Variants in ARL14EPL observed in about 807,000 individuals in gnomAD.
ARL14EPL encodes ARL14 effector protein-like.
Under a neutral mutation model 15.9 loss-of-function variants are expected in ARL14EPL, and 17 were observed. The observed-to-expected ratio is 1.07, with a 90% CI of 0.73 to 1.60. ARL14EPL has a LOEUF of 1.60. ARL14EPL is among the 40% of genes most tolerant of loss of function. The probability of loss-of-function intolerance (pLI) is 0.00; values close to 1 mark genes in which losing one functional copy is unlikely to be tolerated. For missense variants in ARL14EPL, 214 were observed against 185.9 expected, an observed-to-expected ratio of 1.15 and a Z score of -0.88; for synonymous variants, 78 against 63.8, an observed-to-expected ratio of 1.22 and a Z score of -1.06.
chr5:116,040,612 T>C lies in ARL14EPL; in HGVS notation c.-10+8107T>C, dbSNP rs114994217. ...GTAATAGTAAATATAATAGTAATAA[T>C]AGTAAAATAAGGAAAATAATTTAAT... On this transcript the variant is annotated intron_variant, in intron 1 of 3. Transcript: ENST00000686077. Among the ~76,000 whole-genome samples, 1,508 of 151,308 alleles carry C rather than the reference T, an allele frequency of 1.0e-2. 19 individuals carry two copies. The highest frequency in any genetic ancestry group is 0.034 in the African/African-American group (1,428 of 41,444).
chr5:116,036,349 A>G (rs926362322), intron 1 of ARL14EPL, among the ~76,000 whole-genome samples: 3 of 152,244 alleles, frequency 2.0e-5, no homozygotes, highest in African/African-American at 7.2e-5. Flanking sequence ...CAGAAATAAT[A>G]CAGTGTCAAG....
At chr5:116,051,381 A>C in intron 1 of ARL14EPL, 76 bp from the exon 2 acceptor site, 1 of 883,410 alleles carries the variant, frequency 1.1e-6, no homozygotes, top group Non-Finnish European at 1.7e-6. Flanking sequence ...TAGGGAGAGT[A>C]GAAAAGAATC....
At chr5:116,053,052 C>T (rs1030658518) in intron 2 of ARL14EPL, among the ~76,000 whole-genome samples, 1 of 152,206 alleles carries the variant, frequency 6.6e-6, no homozygotes, top group African/African-American at 2.4e-5. Context: ...TCAGCTCAGG[C>T]CCCATCTAAT....
rs112978964 is a variant in ARL14EPL, at chr5:116,039,699, A to C, written c.-10+7194A>C. 2.6e-5 allele frequency among the ~76,000 whole-genome samples: 4 copies of C among 152,300 alleles called. 1 individual carries two copies. The highest frequency in any genetic ancestry group is 9.6e-5 in the African/African-American group (4 of 41,574). ...ATATGACATAGAAAAAAAAACAAGA[A>C]AGCTAAAACTTAGTTCTTTGAGAAG... On this transcript the variant is annotated intron_variant, in intron 1 of 3. Coordinates refer to ENST00000686077, the MANE Select transcript of ARL14EPL (RefSeq NM_001195581.2).
At chr5:116,042,293 G>A (rs927531364) in intron 1 of ARL14EPL, among the ~76,000 whole-genome samples, 2 of 152,180 alleles carry the variant, frequency 1.3e-5, no homozygotes, top group East Asian at 3.8e-4. Flanking sequence ...TTTGAAGAAA[G>A]GAACTGTGTC....
At chr5:116,047,586 T>C (rs1396341664) in intron 1 of ARL14EPL, among the ~76,000 whole-genome samples, 2 of 152,230 alleles carry the variant, frequency 1.3e-5, no homozygotes, top group African/African-American at 2.4e-5. Flanking sequence ...ATGTATGATC[T>C]AATGCTAAAA....
chr5:116,037,736 AC>A (rs1749073401), intron 1 of ARL14EPL, among the ~76,000 whole-genome samples: 1 of 152,230 alleles, frequency 6.6e-6, no homozygotes, highest in Non-Finnish European at 1.5e-5. Flanking sequence ...CATGCTTATT[AC>A]AGGAAATGGG....
chr5:116,053,640 C>G (rs1218005729), intron 2 of ARL14EPL, among the ~76,000 whole-genome samples: 1 of 152,190 alleles, frequency 6.6e-6, no homozygotes, highest in Non-Finnish European at 1.5e-5. Flanking sequence ...CTTTAGCTAA[C>G]AGCCGAGGAA....
intron 1 of ARL14EPL, among the ~76,000 whole-genome samples, chr5:116,034,523 C>G (rs910854262): frequency 1.3e-5 from 2 of 152,138 alleles, no homozygotes; most frequent in African/African-American, 4.8e-5. Context: ...TCCTTCACTT[C>G]CCCCAACACA....
In ARL14EPL at chr5:116,058,874, G is replaced by T. The variant is rs189039922; in HGVS notation, c.386G>T (p.Arg129Leu). ...GGGCCCGAGTGCCGCTGCAACCGAC[G>T]GTGGGTTTACGATGCCATCGTCACT... ...KCGPECRCNR[R>L]WVYDAIVTES... Residue 129 changes from arginine (R) to leucine (L), a missense_variant, in exon 4 of 4, where the codon CGG (arginine) becomes CTG (leucine). By Grantham distance (102) the Arg-to-Leu change is moderately radical. Coordinates refer to ENST00000686077, the MANE Select transcript of ARL14EPL (RefSeq NM_001195581.2). 9.7e-5 allele frequency: 149 copies of T among 1,536,058 alleles called. No individual in the cohort carries two copies. Among genetic ancestry groups the T allele is most frequent in the African/African-American group, 1.6e-4 (12 of 73,130 alleles).
intron 1 of ARL14EPL, among the ~76,000 whole-genome samples, chr5:116,037,163 C>A (rs1749062495): frequency 6.6e-6 from 1 of 152,180 alleles, no homozygotes; most frequent in Non-Finnish European, 1.5e-5. Context: ...CCCAGCATGG[C>A]TCTTGCCTCC....
At chr5:116,049,236 A>T (rs1410733408) in intron 1 of ARL14EPL, among the ~76,000 whole-genome samples, 1 of 152,198 alleles carries the variant, frequency 6.6e-6, no homozygotes, top group African/African-American at 2.4e-5. Flanking sequence ...GCCTAATGAT[A>T]AGGTTCATCA....
chr5:116,054,826 A>G (rs1749476843), intron 3 of ARL14EPL, among the ~76,000 whole-genome samples: 2 of 151,928 alleles, frequency 1.3e-5, no homozygotes, highest in Non-Finnish European at 2.9e-5. Context: ...GCAAGACTCC[A>G]TCTCAAAAAA....
intron 3 of ARL14EPL, among the ~76,000 whole-genome samples, chr5:116,056,079 G>A (rs1749509519): frequency 6.6e-6 from 1 of 152,044 alleles, no homozygotes; most frequent in Non-Finnish European, 1.5e-5. Flanking sequence ...CCAAGTCTTT[G>A]CTATTGTGAG....
intron 1 of ARL14EPL, among the ~76,000 whole-genome samples, chr5:116,045,818 G>T (rs116697429): frequency 0.012 from 1,843 of 151,656 alleles, 13 homozygotes; most frequent in Non-Finnish European, 0.017. Context: ...GTATGGCTAG[G>T]AATCTGTGGA....
intron 1 of ARL14EPL, among the ~76,000 whole-genome samples, chr5:116,040,941 C>T (rs1333186776): frequency 8.2e-6 from 1 of 122,414 alleles, no homozygotes; most frequent in African/African-American, 3.2e-5. Context: ...AATAGCGCCA[C>T]TGCACTCCAG....
intron 1 of ARL14EPL, among the ~76,000 whole-genome samples, 175 bp downstream of exon 1, chr5:116,032,680 G>A (rs753777720): frequency 4.1e-4 from 62 of 152,132 alleles, no homozygotes; most frequent in Admixed American, 2.0e-3. Flanking sequence ...AGGAAAAACC[G>A]TAGTGTATAT....
rs1010415023 is a variant in ARL14EPL, at chr5:116,037,272, A to C, written c.-10+4767A>C. Among the ~76,000 whole-genome samples, 5 of 152,238 alleles carry C rather than the reference A, an allele frequency of 3.3e-5. No homozygotes were observed. The East Asian group carries it at 9.6e-4, about 29-fold the overall frequency. ...ATGGTAATAACAATGTTTGAAACACATGGACTATATGGTCTCCAAAGCCCT... is the reference window on the plus strand; with the variant it reads ...ATGGTAATAACAATGTTTGAAACACCTGGACTATATGGTCTCCAAAGCCCT... On this transcript the variant is annotated intron_variant, in intron 1 of 3. Transcript: ENST00000686077.
At chr5:116,043,624 T>C (rs190051001) in intron 1 of ARL14EPL, among the ~76,000 whole-genome samples, 67 of 152,272 alleles carry the variant, frequency 4.4e-4, no homozygotes, top group African/African-American at 1.6e-3. Context: ...AACTTGTAAA[T>C]AATACAGGAT....
Sources: allele counts gnomAD v4.1 joint callset (sites outside exome capture counted in the v4.1 genomes callset), GRCh38; gene constraint gnomAD v4.1.1; transcripts MANE v1.5; gene names NCBI Gene and HGNC (gene_info 2026-07-23, HGNC 2026-07-21).